NFIA: variants seen among roughly 807,000 people sequenced by gnomAD.
The protein encoded by NFIA is nuclear factor 1 A-type.
NFIA carries 8 observed loss-of-function variants against 62.8 expected under a neutral mutation model. That is an observed-to-expected ratio of 0.13 (90% CI 0.07 to 0.23). The LOEUF is 0.23. NFIA is among the 10% of genes least tolerant of loss of function. The pLI is 1.00. For missense variants in NFIA, 410 were observed against 642.1 expected (o/e 0.64, Z 3.91); for synonymous variants, 235 against 238.1 (o/e 0.99, Z 0.12).
intron 2 of NFIA, among the ~76,000 whole-genome samples, chr1:61,256,152 G>C (rs1336475737): frequency 6.6e-6 from 1 of 152,152 alleles, no homozygotes; most frequent in African/African-American, 2.4e-5. Context: ...TGTTGGCCAG[G>C]CATGGTGGCT....
At chr1:61,290,737 A>G (rs1171248478) in intron 3 of NFIA, among the ~76,000 whole-genome samples, 1 of 152,216 alleles carries the variant, frequency 6.6e-6, no homozygotes, top group African/African-American at 2.4e-5. Context: ...ACACAATATC[A>G]TGAAAGGCAT....
In NFIA at chr1:61,376,342, G is replaced by A. The variant is rs867261565; in HGVS notation, c.947-6895G>A. On this transcript the variant is annotated intron_variant, in intron 6 of 10. Coordinates refer to ENST00000403491, the MANE Select transcript of NFIA (RefSeq NM_001134673.4). ...TTGTTATAGATAGATAACATGGTTT[G>A]CAGGAGGCTTTATAGAAAAAGCAAC... Among the ~76,000 whole-genome samples the A allele has an allele frequency of 3.3e-5, 5 of 152,120 alleles. No homozygotes were observed. In the South Asian group the frequency reaches 8.3e-4, roughly 25 times the overall value.
intron 2 of NFIA, among the ~76,000 whole-genome samples, chr1:61,247,079 C>T (rs1406167660): frequency 1.3e-5 from 2 of 152,144 alleles, no homozygotes; most frequent in African/African-American, 4.8e-5. Context: ...TCTGTTTTTG[C>T]ATTCATTCTT....
chr1:61,334,462 CAAT>C (rs1557713622), intron 4 of NFIA, among the ~76,000 whole-genome samples: 1 of 149,346 alleles, frequency 6.7e-6, no homozygotes, highest in African/African-American at 2.5e-5. Flanking sequence ...CTTTTGAACA[CAAT>C]AAATATCTCA....
At chr1:61,309,867 T>G (rs376909639) in intron 3 of NFIA, among the ~76,000 whole-genome samples, 1 of 152,170 alleles carries the variant, frequency 6.6e-6, no homozygotes, top group Non-Finnish European at 1.5e-5. Flanking sequence ...CCAGCCTGGG[T>G]GACAGAGTGA....
intron 6 of NFIA, among the ~76,000 whole-genome samples, chr1:61,363,852 A>G (rs1373301743): frequency 6.6e-6 from 1 of 152,096 alleles, no homozygotes; most frequent in Non-Finnish European, 1.5e-5. Context: ...GTAGCTCATC[A>G]CACAGGCCCT....
At chr1:61,355,374 C>A (rs1008346860) in intron 5 of NFIA, among the ~76,000 whole-genome samples, 15 of 152,004 alleles carry the variant, frequency 9.9e-5, no homozygotes, top group Admixed American at 9.2e-4. Context: ...GTTCTGTACC[C>A]CTTCAGGGTA....
intron 3 of NFIA, among the ~76,000 whole-genome samples, chr1:61,286,138 G>A (rs1658476022): frequency 6.6e-6 from 1 of 152,102 alleles, no homozygotes; most frequent in Non-Finnish European, 1.5e-5. Flanking sequence ...CTTAAGAATT[G>A]CTGGATAGGC....
chr1:61,267,307 G>A (rs2100254647), intron 2 of NFIA, among the ~76,000 whole-genome samples: 1 of 152,242 alleles, frequency 6.6e-6, no homozygotes, highest in Middle Eastern at 3.4e-3. Context: ...TCAGTAGTTC[G>A]AGAGCAGCCT....
At chr1:61,160,038 T>C (rs186459398) in intron 2 of NFIA, among the ~76,000 whole-genome samples, 27 of 152,326 alleles carry the variant, frequency 1.8e-4, no homozygotes, top group African/African-American at 6.3e-4. Flanking sequence ...CATTTGTTTA[T>C]AGATACAGAC....
chr1:61,132,284 TA>T (rs1020890053), intron 2 of NFIA, among the ~76,000 whole-genome samples: 1 of 152,190 alleles, frequency 6.6e-6, no homozygotes, highest in Non-Finnish European at 1.5e-5. Context: ...CTTCATCCCA[TA>T]AATGGATCAT....
chr1:61,410,574 G>T (rs1390834733), intron 9 of NFIA, among the ~76,000 whole-genome samples: 1 of 152,096 alleles, frequency 6.6e-6, no homozygotes, highest in East Asian at 1.9e-4. Context: ...CTATTTAGGA[G>T]TTTGAGATGA....
intron 2 of NFIA, among the ~76,000 whole-genome samples, chr1:61,209,714 T>C (rs1017768716): frequency 9.2e-5 from 14 of 151,812 alleles, no homozygotes; most frequent in African/African-American, 3.4e-4. Context: ...TAGCCAGGAA[T>C]GGTGGTGTGT....
At chr1:61,400,197 G>A (rs1034879677) in intron 7 of NFIA, among the ~76,000 whole-genome samples, 1 of 152,172 alleles carries the variant, frequency 6.6e-6, no homozygotes, top group African/African-American at 2.4e-5. Flanking sequence ...GGAAATTGTG[G>A]CTCTCTGTTT....
chr1:61,196,952 C>CTGTG (rs1178920796), intron 2 of NFIA, among the ~76,000 whole-genome samples: 1 of 148,960 alleles, frequency 6.7e-6, no homozygotes, highest in Admixed American at 6.7e-5. Context: ...CGCGCGCGCG[C>CTGTG]TGTGTGTGTG....
intron 10 of NFIA, among the ~76,000 whole-genome samples, chr1:61,430,663 C>T (rs1178311930): frequency 7.0e-6 from 1 of 142,032 alleles, no homozygotes; most frequent in African/African-American, 2.6e-5. Flanking sequence ...CTGTTTTTTT[C>T]TCCAGAGAAT....
chr1:61,294,169 T>A (rs1001918291), intron 3 of NFIA, among the ~76,000 whole-genome samples: 3 of 152,230 alleles, frequency 2.0e-5, no homozygotes, highest in African/African-American at 7.2e-5. Context: ...TTGACTCTTC[T>A]CATCTCCAAT....
rs1646269324 is a variant in NFIA, at chr1:61,088,991, TAAA to T, written c.559+312_559+314del. Reference sequence around the variant, plus strand: ...AGAAGCCTCGTGAAAACCCTTTTAATAAAGAGTATATTTTAACTGACAAATGAT... The same window carrying T: ...AGAAGCCTCGTGAAAACCCTTTTAATGAGTATATTTTAACTGACAAATGAT... On this transcript the variant is annotated intron_variant, in intron 2 of 10. Transcript: ENST00000403491. This position sits in a 1 kb window ranked among gnomAD's most constrained non-coding sequence, Gnocchi z 4.5. Among the ~76,000 whole-genome samples, 1 of 152,236 alleles carries T rather than the reference TAAA, an allele frequency of 6.6e-6. No individual in the cohort carries two copies. Among genetic ancestry groups the T allele is most frequent in the African/African-American group, 2.4e-5 (1 of 41,464 alleles).
At chr1:61,174,549 G>A (rs561958464) in intron 2 of NFIA, among the ~76,000 whole-genome samples, 10 of 152,304 alleles carry the variant, frequency 6.6e-5, no homozygotes, top group African/African-American at 2.4e-4. Flanking sequence ...GGAGTGGGGA[G>A]GTGAGAAAGA....
Sources: gnomAD v4.1 joint callset for allele counts (sites outside exome capture counted in the v4.1 genomes callset) on GRCh38, gnomAD v4.1.1 for gene constraint, Gnocchi (gnomAD v3.1) non-coding constraint, MANE v1.5 for transcripts, NCBI Gene and HGNC (gene_info 2026-07-23, HGNC 2026-07-21) for gene names.